Variants in PLGRKT observed in about 807,000 individuals in gnomAD.
PLGRKT encodes the protein plasminogen receptor with a C-terminal lysine, also known as plasminogen receptor (KT).
Under a neutral mutation model 18.5 loss-of-function variants are expected in PLGRKT, and 22 were observed. The observed-to-expected ratio is 1.19, with a 90% confidence interval of 0.85 to 1.70. The LOEUF (loss-of-function observed/expected upper bound fraction) is 1.70. PLGRKT is among the 40% of genes most tolerant of loss of function. The pLI is 0.00. For synonymous variants in PLGRKT, 72 were observed against 52.8 expected, an observed-to-expected ratio of 1.36 and a Z score of -1.58; for missense variants, 235 against 174.4, an observed-to-expected ratio of 1.35 and a Z score of -1.96.
At chr9:5,378,752 C>T in intron 3 of PLGRKT, among the ~76,000 whole-genome samples, 1 of 150,042 alleles carries the variant, frequency 6.7e-6, no homozygotes, top group Non-Finnish European at 1.5e-5. Context: ...GTTGGGAATA[C>T]AAAAAAAAAT....
intron 3 of PLGRKT, among the ~76,000 whole-genome samples, chr9:5,414,993 C>T (rs1474968965): frequency 6.6e-6 from 1 of 152,106 alleles, no homozygotes; most frequent in Non-Finnish European, 1.5e-5. Context: ...CATGTCTTTG[C>T]TAAGAGGACA....
intron 3 of PLGRKT, among the ~76,000 whole-genome samples, chr9:5,382,222 C>G (rs1172114977): frequency 1.3e-5 from 2 of 152,184 alleles, no homozygotes; most frequent in Non-Finnish European, 2.9e-5. Context: ...AGCACCTGCC[C>G]TCATCGAGTC....
intron 3 of PLGRKT, among the ~76,000 whole-genome samples, chr9:5,373,748 G>C (rs1268984666): frequency 1.3e-5 from 2 of 151,964 alleles, no homozygotes; most frequent in Non-Finnish European, 2.9e-5. Context: ...CAGTGACAGA[G>C]TCTGGGTGAC....
At chr9:5,412,873 G>A (rs1818391410) in intron 3 of PLGRKT, among the ~76,000 whole-genome samples, 2 of 151,842 alleles carry the variant, frequency 1.3e-5, no homozygotes, top group Non-Finnish European at 2.9e-5. Flanking sequence ...ATAGACAAGA[G>A]GCCAATACTC....
At chr9:5,368,123 A>G (rs1403063009) in intron 3 of PLGRKT, among the ~76,000 whole-genome samples, 2 of 152,182 alleles carry the variant, frequency 1.3e-5, no homozygotes, top group Admixed American at 6.5e-5. Context: ...GAATGCTTAC[A>G]CTGTTGGTGG....
chr9:5,418,757 C>A lies in PLGRKT; in HGVS notation c.81+13140G>T, dbSNP rs1818514447. The A allele has an allele frequency of 8.5e-6, 6 of 709,140 alleles. No homozygotes were observed. The highest frequency in any genetic ancestry group is 1.3e-5 in the Non-Finnish European group (5 of 395,326). The allele number at this position is 709,140 out of a possible 1,614,324, so 43.9% of individuals were successfully genotyped here. Reference sequence around the variant, plus strand: ...TGTGGAATGGTGATGACAGCCAGGACCTCGGGGTCGTCGAGGAGCTGCGAC... The same window carrying A: ...TGTGGAATGGTGATGACAGCCAGGAACTCGGGGTCGTCGAGGAGCTGCGAC... On this transcript the variant is annotated intron_variant, in intron 3 of 5. Coordinates refer to ENST00000223864, the MANE Select transcript of PLGRKT (RefSeq NM_018465.4). The surrounding 1 kb of genome is among the most constrained non-coding windows in gnomAD (Gnocchi z 4.2).
intron 3 of PLGRKT, among the ~76,000 whole-genome samples, chr9:5,403,736 T>A (rs563598294): frequency 6.6e-6 from 1 of 152,310 alleles, no homozygotes; most frequent in East Asian, 1.9e-4. Context: ...AGGGGAGGAC[T>A]ACAAAACAAA....
chr9:5,416,559 C>T lies in PLGRKT; in HGVS notation c.81+15338G>A, dbSNP rs533545459. Among the ~76,000 whole-genome samples, 4 of 152,226 alleles carry T rather than the reference C, an allele frequency of 2.6e-5. No homozygotes were observed. In the South Asian group the frequency reaches 8.3e-4, roughly 32 times the overall value. The stretch of plus-strand genomic sequence containing the variant: ...ATTAATAAATAATAAAGCAATCCAC[C>T]CCCTTGCCCAAGCAATGAAGAACAA... On this transcript the variant is annotated intron_variant, in intron 3 of 5. Coordinates refer to ENST00000223864, the MANE Select transcript of PLGRKT (RefSeq NM_018465.4).
chr9:5,406,528 A>G (rs1818260446), intron 3 of PLGRKT, among the ~76,000 whole-genome samples: 1 of 143,980 alleles, frequency 6.9e-6, no homozygotes, highest in South Asian at 2.4e-4. Context: ...CAAACACTGC[A>G]TGTTCTCTTA....
At chr9:5,426,845 A>G (rs1818711325) in intron 3 of PLGRKT, among the ~76,000 whole-genome samples, 1 of 152,172 alleles carries the variant, frequency 6.6e-6, no homozygotes, top group Admixed American at 6.5e-5. Context: ...CACAAGCTCA[A>G]TGTACCTCAG....
intron 3 of PLGRKT, among the ~76,000 whole-genome samples, chr9:5,422,842 T>C (rs1317752233): frequency 1.3e-5 from 2 of 152,196 alleles, no homozygotes; most frequent in Non-Finnish European, 2.9e-5. Flanking sequence ...TTAAAGTTTT[T>C]TTTTAAAGTT....
intron 3 of PLGRKT, among the ~76,000 whole-genome samples, chr9:5,416,788 G>A (rs1818469485): frequency 6.6e-6 from 1 of 152,238 alleles, no homozygotes; most frequent in Admixed American, 6.5e-5. Flanking sequence ...GGCAGCCAAG[G>A]ATCAGCTTGG....
chr9:5,369,530 G>T (rs896158420), intron 3 of PLGRKT, among the ~76,000 whole-genome samples: 14 of 152,326 alleles, frequency 9.2e-5, no homozygotes, highest in South Asian at 2.1e-4. Context: ...GGAAGACAGT[G>T]TGGTGATTCC....
chr9:5,400,689 T>C (rs1250903563), intron 3 of PLGRKT, among the ~76,000 whole-genome samples: 2 of 152,022 alleles, frequency 1.3e-5, no homozygotes, highest in African/African-American at 2.4e-5. Flanking sequence ...TGTCTTTTCA[T>C]CTTTATATCC....
At chr9:5,398,625 C>T (rs584156) in intron 3 of PLGRKT, among the ~76,000 whole-genome samples, 185 of 150,636 alleles carry the variant, frequency 1.2e-3, no homozygotes, top group African/African-American at 2.2e-3. Context: ...CTCCACTGCA[C>T]CCCAACCCAC....
intron 3 of PLGRKT, among the ~76,000 whole-genome samples, chr9:5,428,130 A>G (rs1164288177): frequency 6.6e-6 from 1 of 152,172 alleles, no homozygotes; most frequent in Non-Finnish European, 1.5e-5. Flanking sequence ...AGCTGAAATA[A>G]ATGGTGTTAA....
chr9:5,388,110 G>A (rs1817879660), intron 3 of PLGRKT, among the ~76,000 whole-genome samples: 1 of 151,820 alleles, frequency 6.6e-6, no homozygotes, highest in Non-Finnish European at 1.5e-5. Flanking sequence ...TTATGAGACT[G>A]GATGAAATGC....
intron 3 of PLGRKT, among the ~76,000 whole-genome samples, chr9:5,430,247 A>G (rs1310885245): frequency 3.3e-5 from 5 of 152,158 alleles, no homozygotes; most frequent in African/African-American, 1.2e-4. Flanking sequence ...AAAATCCCAG[A>G]CCCTTCACAG....
chr9:5,384,233 A>G (rs1000104879), intron 3 of PLGRKT, among the ~76,000 whole-genome samples: 1 of 152,246 alleles, frequency 6.6e-6, no homozygotes, highest in African/African-American at 2.4e-5. Flanking sequence ...GAAGAGTGGC[A>G]AGTATGTGAG....
Sources: allele counts gnomAD v4.1 joint callset (sites outside exome capture counted in the v4.1 genomes callset), GRCh38; gene constraint gnomAD v4.1.1; non-coding constraint Gnocchi (gnomAD v3.1); transcripts MANE v1.5; gene names NCBI Gene and HGNC (gene_info 2026-07-23, HGNC 2026-07-21).